RBFOX1: variants seen among roughly 807,000 people sequenced by gnomAD.
RBFOX1 encodes the protein RNA binding protein fox-1 homolog 1.
In RBFOX1, 8 loss-of-function variants were observed where a neutral mutation model predicts 57.7. The ratio of observed to expected loss-of-function variants is 0.14; its 90% CI spans 0.08 to 0.25. RBFOX1 has a LOEUF of 0.25. RBFOX1 is among the 10% of genes least tolerant of loss of function. The probability of loss-of-function intolerance (pLI) is 1.00; values close to 1 mark genes in which losing one functional copy is unlikely to be tolerated. For synonymous variants in RBFOX1, 326 were observed against 222.4 expected (o/e 1.47, Z -4.15); for missense variants, 611 against 548.5 (o/e 1.11, Z -1.14).
rs573323317 is a variant in RBFOX1, at chr16:7,353,362, C to A, written c.28-164785C>A. On this transcript the variant is annotated intron_variant, in intron 4 of 15. Transcript: ENST00000550418. ...AATTGGAATGCACATACATTGCTGG[C>A]AGGAATGTAAAATTCCGCAGCTACT... Among the ~76,000 whole-genome samples, 3 of 152,190 alleles carry A rather than the reference C, an allele frequency of 2.0e-5. No individual in the cohort carries two copies. In the South Asian group the frequency reaches 6.2e-4, roughly 32 times the overall value.
At chr16:6,527,089 C>A (rs1393675015) in intron 2 of RBFOX1, among the ~76,000 whole-genome samples, 1 of 151,996 alleles carries the variant, frequency 6.6e-6, no homozygotes, top group African/African-American at 2.4e-5. Flanking sequence ...TCTTTGTACC[C>A]ATTGCCTTTC....
At chr16:5,471,981 T>C (rs1206569854) in intron 2 of RBFOX1, among the ~76,000 whole-genome samples, 2 of 152,292 alleles carry the variant, frequency 1.3e-5, no homozygotes, top group Admixed American at 1.3e-4. Context: ...CCCCGACAGA[T>C]GAAAGCAGGC....
chr16:5,726,474 G>C (rs1464524418), intron 3 of RBFOX1, among the ~76,000 whole-genome samples: 1 of 152,048 alleles, frequency 6.6e-6, no homozygotes, highest in African/African-American at 2.4e-5. Flanking sequence ...CACTTTCTTT[G>C]TCCCGCTTTC....
chr16:6,730,846 G>A (rs2068384198), intron 3 of RBFOX1, among the ~76,000 whole-genome samples: 2 of 152,166 alleles, frequency 1.3e-5, no homozygotes, highest in South Asian at 2.1e-4. Flanking sequence ...CAAGGGGACT[G>A]TACTAAAGAT....
intron 1 of RBFOX1, among the ~76,000 whole-genome samples, chr16:6,026,027 C>G (rs1409894978): frequency 1.3e-5 from 2 of 152,198 alleles, no homozygotes; most frequent in Non-Finnish European, 2.9e-5. Flanking sequence ...CTCCCCCACC[C>G]ACCCAGCAGT....
At chr16:5,400,222 A>G (rs513133) in intron 1 of RBFOX1, among the ~76,000 whole-genome samples, 11,987 of 151,736 alleles carry the variant, frequency 0.079, 702 homozygotes, top group African/African-American at 0.16. Flanking sequence ...CTCTCGAGTA[A>G]CTGGGATTAC....
intron 1 of RBFOX1, among the ~76,000 whole-genome samples, chr16:5,362,512 G>A (rs76679416): frequency 2.6e-5 from 4 of 152,294 alleles, no homozygotes; most frequent in Admixed American, 2.0e-4. Flanking sequence ...ACAGGCATGC[G>A]CCAACACGCT....
intron 3 of RBFOX1, among the ~76,000 whole-genome samples, chr16:6,760,423 G>C (rs2076441161): frequency 6.6e-6 from 1 of 152,178 alleles, no homozygotes; most frequent in South Asian, 2.1e-4. Context: ...CTTACAAGAA[G>C]TGATACTTTA....
At chr16:6,310,129 G>A (rs537989488) in intron 1 of RBFOX1, among the ~76,000 whole-genome samples, 17 of 152,220 alleles carry the variant, frequency 1.1e-4, no homozygotes, top group Middle Eastern at 3.4e-3. Flanking sequence ...CTCGTGATCC[G>A]CCCACCTCGG....
intron 4 of RBFOX1, among the ~76,000 whole-genome samples, chr16:5,971,276 C>G (rs774560121): frequency 1.2e-4 from 19 of 152,172 alleles, no homozygotes; most frequent in Non-Finnish European, 8.8e-5. Context: ...TCAGTTTAGG[C>G]TCCCATAACA....
intron 4 of RBFOX1, among the ~76,000 whole-genome samples, chr16:7,321,533 C>T (rs1218149043): frequency 6.6e-6 from 1 of 152,216 alleles, no homozygotes; most frequent in Admixed American, 6.5e-5. Flanking sequence ...CCAGATTTAC[C>T]CTTCACAAGC....
chr16:5,795,720 T>C (rs1404745945), intron 3 of RBFOX1, among the ~76,000 whole-genome samples: 1 of 152,220 alleles, frequency 6.6e-6, no homozygotes, highest in East Asian at 1.9e-4. Context: ...AATAGATCCA[T>C]TTCCCCCATT....
chr16:5,358,566 G>C lies in RBFOX1; in HGVS notation c.220-108650G>C, dbSNP rs575201480. ...GTGTTGCAAACTTAAAAATGCACCT[G>C]TAATCCCAGCAGTTTGGGAGGCCAA... On this transcript the variant is annotated intron_variant, in intron 1 of 2. Coordinates refer to the RBFOX1 transcript ENST00000585867. Among the ~76,000 whole-genome samples the C allele has an allele frequency of 9.4e-4, 143 of 152,266 alleles. 3 individuals carry two copies. In the South Asian group the frequency reaches 0.013, roughly 14 times the overall value.
intron 1 of RBFOX1, among the ~76,000 whole-genome samples, chr16:6,185,723 G>A (rs138089008): frequency 0.01 from 1,546 of 152,304 alleles, 16 homozygotes; most frequent in Middle Eastern, 0.017. Flanking sequence ...ATAAAACTTG[G>A]AGAAAGACTG....
intron 4 of RBFOX1, among the ~76,000 whole-genome samples, chr16:5,945,798 CA>C (rs2059389491): frequency 6.6e-6 from 1 of 152,182 alleles, no homozygotes; most frequent in Non-Finnish European, 1.5e-5. Flanking sequence ...CTCTAGAATT[CA>C]TATCCTGCTC....
chr16:5,946,795 GA>G lies in RBFOX1; in HGVS notation c.351+79462del, dbSNP rs1473198825. ...TTCTAACTCCAGGTGGATCATGTCA[GA>G]ATTGAACTGTAGGACACCCAGTTGG... On this transcript the variant is annotated intron_variant, in intron 4 of 19. Transcript: ENST00000641259. This position sits in a 1 kb window ranked among gnomAD's most constrained non-coding sequence, Gnocchi z 4.6. Among the ~76,000 whole-genome samples the G allele has an allele frequency of 6.6e-6, 1 of 152,190 alleles. No homozygotes were observed. The highest frequency in any genetic ancestry group is 1.5e-5 in the Non-Finnish European group (1 of 68,040).
intron 3 of RBFOX1, among the ~76,000 whole-genome samples, chr16:7,020,858 G>T (rs530346279): frequency 5.3e-5 from 8 of 152,268 alleles, no homozygotes; most frequent in Non-Finnish European, 8.8e-5. Context: ...CAGTCTTGAA[G>T]GCTCATGCCT....
chr16:5,597,212 C>G (rs1380397379), intron 2 of RBFOX1, among the ~76,000 whole-genome samples: 2 of 151,400 alleles, frequency 1.3e-5, no homozygotes, highest in East Asian at 1.9e-4. Flanking sequence ...TTGTCTCTCT[C>G]TCTTTTTATA....
At chr16:5,475,659 T>G (rs1446325319) in intron 2 of RBFOX1, among the ~76,000 whole-genome samples, 3 of 152,238 alleles carry the variant, frequency 2.0e-5, no homozygotes, top group Non-Finnish European at 2.9e-5. Context: ...CTAATCTTTG[T>G]GACAACCCAG....
Sources: allele counts gnomAD v4.1 joint callset (sites outside exome capture counted in the v4.1 genomes callset), GRCh38; gene constraint gnomAD v4.1.1; non-coding constraint Gnocchi (gnomAD v3.1); transcripts MANE v1.5; gene names NCBI Gene and HGNC (gene_info 2026-07-23, HGNC 2026-07-21).